WDFY1: variants seen among roughly 807,000 people sequenced by gnomAD.
The protein encoded by WDFY1 is WD repeat and FYVE domain-containing protein 1.
In WDFY1, 32 loss-of-function variants were observed where a neutral mutation model predicts 56.4. That is an observed-to-expected ratio of 0.57 (90% CI 0.43 to 0.76). The LOEUF (loss-of-function observed/expected upper bound fraction) is 0.76, where lower values mean the gene tolerates loss of function less well. WDFY1 is among the 30% of genes least tolerant of loss of function. The pLI, the probability that WDFY1 is intolerant of heterozygous loss-of-function variation, is 0.00. For missense variants in WDFY1, 480 were observed against 545.7 expected (o/e 0.88, Z 1.20); for synonymous variants, 192 against 197.3 (o/e 0.97, Z 0.23).
At chr2:223,928,636 T>C (rs538366730) in intron 1 of WDFY1, among the ~76,000 whole-genome samples, 1 of 152,276 alleles carries the variant, frequency 6.6e-6, no homozygotes, top group South Asian at 2.1e-4. Flanking sequence ...TCCCTAAGAG[T>C]CTATCCTTTA....
intron 2 of WDFY1, among the ~76,000 whole-genome samples, chr2:223,912,674 GC>G (rs1693725086): frequency 6.6e-6 from 1 of 152,092 alleles, no homozygotes; most frequent in African/African-American, 2.4e-5. Context: ...AGGTCATCCC[GC>G]CCCTGCCACC....
rs554175134 is a variant in WDFY1, at chr2:223,936,133, C to T, written c.137+9015G>A. Among the ~76,000 whole-genome samples, 10 of 143,944 alleles carry T rather than the reference C, an allele frequency of 6.9e-5. No individual in the cohort carries two copies. In the East Asian group the frequency reaches 2.1e-3, roughly 30 times the overall value. The allele number at this position is 143,944 out of a possible 152,430, so 94.4% of individuals were successfully genotyped here. On this transcript the variant is annotated intron_variant, in intron 1 of 11. Transcript: ENST00000233055. Reference sequence around the variant, plus strand: ...CTGGAGGGCAGCAGCATGATCTTGGCTCACTGCAACCTATGCCCCTTGGGT... The same window carrying T: ...CTGGAGGGCAGCAGCATGATCTTGGTTCACTGCAACCTATGCCCCTTGGGT...
At chr2:223,929,617 C>T (rs1400895024) in intron 1 of WDFY1, among the ~76,000 whole-genome samples, 1 of 152,132 alleles carries the variant, frequency 6.6e-6, no homozygotes, top group African/African-American at 2.4e-5. Flanking sequence ...CTGCACCTCC[C>T]TGAACTTCCC....
At chr2:223,906,951 CTACCAT>C (rs1243970253) in intron 3 of WDFY1, among the ~76,000 whole-genome samples, 31 of 79,912 alleles carry the variant, frequency 3.9e-4, no homozygotes, top group African/African-American at 1.2e-3. Flanking sequence ...CGAATTACTA[CTACCAT>C]TATTATTATT....
At chr2:223,910,765 A>G (rs1693684674) in intron 3 of WDFY1, among the ~76,000 whole-genome samples, 2 of 152,268 alleles carry the variant, frequency 1.3e-5, no homozygotes, top group South Asian at 4.1e-4. Flanking sequence ...GCAGAAAATA[A>G]CAAGTGTTAG....
In WDFY1 at chr2:223,878,499, G is replaced by C; in HGVS notation, c.*172C>G. 1 of 587,234 alleles carries C rather than the reference G, an allele frequency of 1.7e-6. No homozygotes were observed. The highest frequency in any genetic ancestry group is 3.1e-6 in the Non-Finnish European group (1 of 325,962). 36.4% of individuals were successfully genotyped at this position (587,234 alleles called of 1,614,324 possible). A position where few individuals can be genotyped will look rare whatever the true frequency, so the allele number is the denominator to read the frequency against. On this transcript the variant is annotated 3_prime_UTR_variant, in exon 12 of 12. Transcript: ENST00000233055. ...GACCTTTTCCATATTAGTCCCCATG[G>C]GTAAGTTCCACAAATGCCCCAAAAC...
chr2:223,886,121 A>G (rs2106072598), intron 8 of WDFY1, among the ~76,000 whole-genome samples: 1 of 152,126 alleles, frequency 6.6e-6, no homozygotes, highest in East Asian at 1.9e-4. Context: ...AGGCAGATGG[A>G]TCACCTGAGG....
chr2:223,896,713 C>G (rs1693387526), intron 6 of WDFY1, among the ~76,000 whole-genome samples: 2 of 152,128 alleles, frequency 1.3e-5, no homozygotes, highest in South Asian at 4.1e-4. Context: ...TATTCAAAAG[C>G]AAACAGAAAC....
intron 5 of WDFY1, among the ~76,000 whole-genome samples, chr2:223,900,684 C>G (rs1693492547): frequency 6.6e-6 from 1 of 152,092 alleles, no homozygotes; most frequent in African/African-American, 2.4e-5. Flanking sequence ...TCCTTGTAGC[C>G]CATTTAGGAA....
chr2:223,892,476 T>A (rs1375216844), intron 8 of WDFY1, among the ~76,000 whole-genome samples: 1 of 152,190 alleles, frequency 6.6e-6, no homozygotes, highest in African/African-American at 2.4e-5. Context: ...ATTTTATTAT[T>A]TATAGGGTAG....
At chr2:223,881,672 C>T (rs1343876621) in intron 10 of WDFY1, among the ~76,000 whole-genome samples, 1 of 152,112 alleles carries the variant, frequency 6.6e-6, no homozygotes, top group African/African-American at 2.4e-5. Context: ...CCTGTAATCC[C>T]AGCTACTCGG....
chr2:223,898,601 T>C (rs1693440449), intron 6 of WDFY1, among the ~76,000 whole-genome samples: 1 of 152,268 alleles, frequency 6.6e-6, no homozygotes, highest in South Asian at 2.1e-4. Context: ...AGAGGCAGTT[T>C]TGCTGTGTTG....
chr2:223,909,543 T>C (rs1024307800), intron 3 of WDFY1, among the ~76,000 whole-genome samples: 1 of 152,116 alleles, frequency 6.6e-6, no homozygotes, highest in Non-Finnish European at 1.5e-5. Flanking sequence ...CAACTTCACA[T>C]GGCCAGTTGG....
intron 1 of WDFY1, among the ~76,000 whole-genome samples, chr2:223,944,195 G>A (rs937090702): frequency 1.3e-5 from 2 of 152,230 alleles, no homozygotes; most frequent in African/African-American, 4.8e-5. Context: ...GAGTACAGGG[G>A]GAGGAAGAGA....
In WDFY1 at chr2:223,897,389, TA is replaced by T. The variant is rs57779814; in HGVS notation, c.598+1568del. ...ATATATATATATATATATATATATA[TA>T]TTTTTTAAGACGGAGTCTCTCTCTG... On this transcript the variant is annotated intron_variant, in intron 6 of 11. Coordinates refer to ENST00000233055, the MANE Select transcript of WDFY1 (RefSeq NM_020830.5). 3.7e-3 allele frequency among the ~76,000 whole-genome samples: 313 copies of T among 85,108 alleles called. 12 individuals are homozygous for T. Among genetic ancestry groups the T allele is most frequent in the Middle Eastern group, 0.016 (3 of 182 alleles). The allele number at this position is 85,108 out of a possible 152,430, so 55.8% of individuals were successfully genotyped here. A position where few individuals can be genotyped will look rare whatever the true frequency, so the allele number is the denominator to read the frequency against.
At chr2:223,932,010 C>T (rs1694083736) in intron 1 of WDFY1, among the ~76,000 whole-genome samples, 2 of 149,202 alleles carry the variant, frequency 1.3e-5, no homozygotes, top group East Asian at 2.0e-4. Context: ...TTTTTTTTTT[C>T]CCCATACCAG....
At position 223,937,480 on chromosome 2, in the gene WDFY1, C is replaced by T. The variant is rs1178777815; in HGVS notation, c.137+7668G>A. 2.0e-5 allele frequency among the ~76,000 whole-genome samples: 3 copies of T among 152,154 alleles called. No individual in the cohort carries two copies. The East Asian group carries it at 5.8e-4, about 29-fold the overall frequency. ...ACACTTGCATAATGTTTTCTCTGTGCTAGGCACTGTTCCACGTGGTTTAAT... is the reference window on the plus strand; with the variant it reads ...ACACTTGCATAATGTTTTCTCTGTGTTAGGCACTGTTCCACGTGGTTTAAT... On this transcript the variant is annotated intron_variant, in intron 1 of 11. Transcript: ENST00000233055.
Position 223,895,564 on chromosome 2 carries a change from C to T in WDFY1, c.665G>A (p.Ser222Asn). 1.2e-6 allele frequency: 2 copies of T among 1,614,042 alleles called. No homozygotes were observed. Among genetic ancestry groups the T allele is most frequent in the Non-Finnish European group, 1.7e-6 (2 of 1,179,966 alleles). Reference sequence around the variant, plus strand: ...TCCTCCGATGTCCCACATGATGATGCTGTTGTCAGATGCTCCTGAGAAGAG... The same window carrying T: ...TCCTCCGATGTCCCACATGATGATGTTGTTGTCAGATGCTCCTGAGAAGAG... ...RLLFSGASDN[S>N]IIMWDIGGRK... The change falls in exon 7 of 12, where the codon AGC becomes AAC. Residue 222 changes from serine (S) to asparagine (N), a missense_variant. Coordinates refer to ENST00000233055, the MANE Select transcript of WDFY1 (RefSeq NM_020830.5).
Position 223,880,162 on chromosome 2 carries a change from C to T in WDFY1, c.1135G>A (p.Gly379Arg), listed in dbSNP as rs751075312. 1.2e-6 allele frequency: 2 copies of T among 1,614,100 alleles called. No individual in the cohort carries two copies. Among genetic ancestry groups the T allele is most frequent in the Admixed American group, 3.3e-5 (2 of 60,022 alleles). Reference sequence around the variant, plus strand: ...TCGGTCCCACAGGTCACCATCAGTCCCCTGGCAATGTCCATGGACATGTGG... The same window carrying T: ...TCGGTCCCACAGGTCACCATCAGTCTCCTGGCAATGTCCATGGACATGTGG... ...ISHMSMDIAR[G>R]LMVTCGTDRI... Residue 379 changes from glycine to arginine, a missense_variant, in exon 11 of 12, where the codon GGA (glycine) becomes AGA (arginine). Coordinates refer to ENST00000233055, the MANE Select transcript of WDFY1 (RefSeq NM_020830.5).
Sources: gnomAD v4.1 joint callset for allele counts (sites outside exome capture counted in the v4.1 genomes callset) on GRCh38, gnomAD v4.1.1 for gene constraint, MANE v1.5 for transcripts, NCBI Gene and HGNC (gene_info 2026-07-23, HGNC 2026-07-21) for gene names.